JKAMP: variants seen among roughly 807,000 people sequenced by gnomAD.
JKAMP encodes JNK1/MAPK8 associated membrane protein.
Under a neutral mutation model 40.2 loss-of-function variants are expected in JKAMP, and 20 were observed. That is an observed-to-expected ratio of 0.50 (90% CI 0.35 to 0.72). The LOEUF is 0.72. JKAMP is among the 30% of genes least tolerant of loss of function. JKAMP has a pLI of 0.01. For synonymous variants in JKAMP, 138 were observed against 131.6 expected, an observed-to-expected ratio of 1.05 and a Z score of -0.33; for missense variants, 276 against 373.0, an observed-to-expected ratio of 0.74 and a Z score of 2.14.
At chr14:59,489,508 T>C (rs1177521799) in intron 3 of JKAMP, among the ~76,000 whole-genome samples, 1 of 152,202 alleles carries the variant, frequency 6.6e-6, no homozygotes, top group Non-Finnish European at 1.5e-5. Context: ...CACAGCCACT[T>C]AAGGCTCTAA....
intron 1 of JKAMP, 137 bp downstream of exon 1, chr14:59,484,730 C>T (rs1890384844): frequency 1.7e-6 from 2 of 1,160,048 alleles, no homozygotes; most frequent in East Asian, 2.6e-5. Flanking sequence ...CGCCCGCCCT[C>T]GGGCCGGGCT....
intron 4 of JKAMP, among the ~76,000 whole-genome samples, chr14:59,497,707 G>C (rs753927277): frequency 4.6e-5 from 7 of 151,952 alleles, no homozygotes; most frequent in Non-Finnish European, 1.0e-4. Flanking sequence ...ATGTTGTTTG[G>C]GGGTGGTATA....
Position 59,493,420 on chromosome 14 carries a change from G to C in JKAMP, c.252-1598G>C, listed in dbSNP as rs542405431. Among the ~76,000 whole-genome samples the C allele has an allele frequency of 4.6e-5, 7 of 152,274 alleles. No homozygotes were observed. The South Asian group carries it at 1.5e-3, about 32-fold the overall frequency. On this transcript the variant is annotated intron_variant, in intron 3 of 6. Transcript: ENST00000616435. ...GCTTCCCAAATTGACACCATGTGGAGCAGAAAGAACTGCCCAGTTGAGCCC... is the reference window on the plus strand; with the variant it reads ...GCTTCCCAAATTGACACCATGTGGACCAGAAAGAACTGCCCAGTTGAGCCC...
At chr14:59,503,257 C>T (rs1177899806) in intron 6 of JKAMP, among the ~76,000 whole-genome samples, 5 of 152,172 alleles carry the variant, frequency 3.3e-5, no homozygotes, top group African/African-American at 9.7e-5. Flanking sequence ...AAGTTAGTAA[C>T]TAACCTGTTG....
At chr14:59,501,058 C>A in intron 5 of JKAMP, 133 bp from the exon 6 acceptor site, 1 of 609,244 alleles carries the variant, frequency 1.6e-6, no homozygotes, top group Non-Finnish European at 2.8e-6. Flanking sequence ...GCCTCAGAAC[C>A]TTAGGTTGTA....
rs1454834389 is a variant in JKAMP at position 59,498,592 on chromosome 14, C to T, written c.459-135C>T. 5 of 533,166 alleles carry T rather than the reference C, an allele frequency of 9.4e-6. No individual in the cohort carries two copies. In the South Asian group the frequency reaches 1.3e-4, roughly 14 times the overall value. 33.0% of individuals were successfully genotyped at this position (533,166 alleles called of 1,614,324 possible). On this transcript the variant is annotated intron_variant, in intron 4 of 6. Transcript: ENST00000616435. ...GACAGCCTGTTTGGCCAGCTTTCCA[C>T]CAATCTGAATATCCAATGGATAGAG...
rs974552051 is a variant in JKAMP, at chr14:59,486,762, A to G, written c.54A>G (p.Leu18=). The change falls in exon 2 of 7, where the codon CTA becomes CTG. Residue 18 remains leucine, a synonymous_variant. Coordinates refer to ENST00000616435, the MANE Select transcript of JKAMP (RefSeq NM_016475.5). The part of the protein sequence containing the change: ...ACLGLYCGKT[L]LFKNGSTEIY... ...TTGGACTTTATTGTGGGAAGACCCT[A>G]TTATTTAAAAATGGCTCAACTGAAA... is the stretch of plus-strand genomic sequence containing the variant. 1 of 1,595,730 alleles carries G rather than the reference A, an allele frequency of 6.3e-7. No homozygotes were observed. The highest frequency in any genetic ancestry group is 1.1e-5 in the South Asian group (1 of 87,798).
chr14:59,490,543 CTG>C (rs1890915037), intron 3 of JKAMP, among the ~76,000 whole-genome samples: 1 of 152,038 alleles, frequency 6.6e-6, no homozygotes, highest in African/African-American at 2.4e-5. Context: ...TAATAGAAGA[CTG>C]TTGTCAAAGA....
In JKAMP at chr14:59,492,899, G is replaced by A. The variant is rs1471276389; in HGVS notation, c.252-2119G>A. Among the ~76,000 whole-genome samples the A allele has an allele frequency of 1.3e-5, 2 of 150,786 alleles. 1 individual carries two copies. Among genetic ancestry groups the A allele is most frequent in the Non-Finnish European group, 2.9e-5 (2 of 67,876 alleles). On this transcript the variant is annotated intron_variant, in intron 3 of 6. Transcript: ENST00000616435. ...TGCAAGCTTCGCCTCCCAGGTTCAC[G>A]TCATTCTCCTGCCTCAGCCTCCCGA...
At position 59,487,663 on chromosome 14, in the gene JKAMP, A is replaced by G; in HGVS notation, c.97-11A>G. The G allele has an allele frequency of 6.2e-7, 1 of 1,604,700 alleles. No homozygotes were observed. Among genetic ancestry groups the G allele is most frequent in the Non-Finnish European group, 8.5e-7 (1 of 1,171,978 alleles). ...TATCTGTACACAAAATATTGGTTTT[A>G]TATATTATAGGTATGCCCAAGAGGA... is the stretch of plus-strand genomic sequence containing the variant. On this transcript the variant is annotated splice_polypyrimidine_tract_variant and intron_variant, in intron 2 of 6. Coordinates refer to ENST00000616435, the MANE Select transcript of JKAMP (RefSeq NM_016475.5).
intron 4 of JKAMP, among the ~76,000 whole-genome samples, chr14:59,497,962 A>G (rs1277421971): frequency 6.6e-6 from 1 of 152,194 alleles, no homozygotes; most frequent in Non-Finnish European, 1.5e-5. Context: ...TTAAGGTAGA[A>G]CTATGTGGAT....
intron 1 of JKAMP, chr14:59,484,921 T>G: frequency 6.9e-7 from 1 of 1,455,826 alleles, no homozygotes; most frequent in Non-Finnish European, 9.0e-7. Context: ...CGGGTGATAG[T>G]GCAGAAAAAA....
chr14:59,495,188 C>G lies in JKAMP; in HGVS notation c.422C>G (p.Thr141Ser), dbSNP rs777582235. ...MLYNPSPDYV[T>S]TVHCTHEAVY... ...TACAACCCAAGTCCAGATTACGTTA[C>G]CACAGTACACTGTACTCATGAAGCC... is the stretch of plus-strand genomic sequence containing the variant. The change falls in exon 4 of 7, where the codon ACC becomes AGC. Residue 141 changes from threonine to serine, a missense_variant. Coordinates refer to ENST00000616435, the MANE Select transcript of JKAMP (RefSeq NM_016475.5). 3 of 1,613,146 alleles carry G rather than the reference C, an allele frequency of 1.9e-6. No homozygotes were observed. The highest frequency in any genetic ancestry group is 2.5e-6 in the Non-Finnish European group (3 of 1,179,162).
intron 1 of JKAMP, chr14:59,484,807 G>T (rs1890399266): frequency 1.1e-6 from 1 of 921,546 alleles, no homozygotes; most frequent in Non-Finnish European, 1.6e-6. Flanking sequence ...GCTGTCTGCG[G>T]CGAAATGCCA....
chr14:59,484,653 G>A (rs1172456777), intron 1 of JKAMP, 60 bp downstream of exon 1: 3 of 1,550,672 alleles, frequency 1.9e-6, no homozygotes, highest in Admixed American at 1.9e-5. Flanking sequence ...TTTCCTACAC[G>A]GCTGGCCTCG....
At position 59,504,489 on chromosome 14, in the gene JKAMP, A is replaced by G. The variant is rs1892198831; in HGVS notation, c.*417A>G. 1 of 159,498 alleles carries G rather than the reference A, an allele frequency of 6.3e-6. No individual in the cohort carries two copies. The highest frequency in any genetic ancestry group is 1.4e-5 in the Non-Finnish European group (1 of 73,042). The allele number at this position is 159,498 out of a possible 1,614,324, so 9.9% of individuals were successfully genotyped here. On this transcript the variant is annotated 3_prime_UTR_variant, in exon 7 of 7. Coordinates refer to ENST00000616435, the MANE Select transcript of JKAMP (RefSeq NM_016475.5). ...TCAGTTTGTTTTTCACCTATAATGA[A>G]TTGTAAAAACAAACATACTTGTGGG...
At chr14:59,486,442 T>A (rs1890579710) in intron 1 of JKAMP, among the ~76,000 whole-genome samples, 1 of 152,184 alleles carries the variant, frequency 6.6e-6, no homozygotes, top group African/African-American at 2.4e-5. Flanking sequence ...CATACCGGGT[T>A]AGGCTTTGAG....
intron 4 of JKAMP, among the ~76,000 whole-genome samples, chr14:59,497,706 G>T (rs1210281096): frequency 6.6e-6 from 1 of 152,082 alleles, no homozygotes; most frequent in African/African-American, 2.4e-5. Flanking sequence ...GATGTTGTTT[G>T]GGGGTGGTAT....
In JKAMP at chr14:59,504,252, ACT is replaced by A; in HGVS notation, c.*183_*184del. 1.7e-6 allele frequency: 1 copy of A among 594,178 alleles called. No individual in the cohort carries two copies. Among genetic ancestry groups the A allele is most frequent in the Non-Finnish European group, 3.0e-6 (1 of 335,914 alleles). The allele number at this position is 594,178 out of a possible 1,614,324, so 36.8% of individuals were successfully genotyped here. ...GACTTACAGACTTGGAAAATGCAAA[ACT>A]CTGTAATACTCTGTTACACAGGGTA... On this transcript the variant is annotated 3_prime_UTR_variant, in exon 7 of 7. Transcript: ENST00000616435.
Sources: gnomAD v4.1 joint callset for allele counts (sites outside exome capture counted in the v4.1 genomes callset) on GRCh38, gnomAD v4.1.1 for gene constraint, MANE v1.5 for transcripts, NCBI Gene and HGNC (gene_info 2026-07-23, HGNC 2026-07-21) for gene names.